Variants in FMN1 observed in about 807,000 individuals in gnomAD.
FMN1 encodes formin 1, also known as formin-1.
A neutral mutation model predicts 132.4 loss-of-function variants in FMN1; 110 were observed. The observed-to-expected ratio is 0.83, with a 90% CI of 0.71 to 0.97. FMN1 has a LOEUF of 0.97. Among genes scored for constraint, FMN1 ranks in the 50% least tolerant of loss-of-function variants. The pLI is 0.00. For synonymous variants in FMN1, 722 were observed against 651.7 expected (o/e 1.11, Z -1.64); for missense variants, 1,792 against 1,705.3 (o/e 1.05, Z -0.90).
intron 17 of FMN1, among the ~76,000 whole-genome samples, chr15:32,834,182 CT>C (rs1452223829): frequency 1.3e-5 from 2 of 152,192 alleles, no homozygotes; most frequent in Non-Finnish European, 1.5e-5. Context: ...AAACTTCTGT[CT>C]GGTTCTTTGG....
At chr15:33,156,716 C>G (rs1566958443) in intron 3 of FMN1, among the ~76,000 whole-genome samples, 1 of 152,108 alleles carries the variant, frequency 6.6e-6, no homozygotes, top group African/African-American at 2.4e-5. Context: ...AGGAGGTAGT[C>G]TCTTATTGTG....
chr15:32,973,101 G>C (rs57613545), intron 7 of FMN1, among the ~76,000 whole-genome samples: 1 of 152,052 alleles, frequency 6.6e-6, no homozygotes, highest in South Asian at 2.1e-4. Context: ...CAACCACTTT[G>C]GTTCCAAGAA....
At chr15:32,779,296 AGG>A (rs2056587807) in intron 19 of FMN1, among the ~76,000 whole-genome samples, 1 of 152,218 alleles carries the variant, frequency 6.6e-6, no homozygotes, top group African/African-American at 2.4e-5. Context: ...ACACTTTAAA[AGG>A]GTGAATTTTA....
chr15:32,867,743 G>A (rs562063212), intron 16 of FMN1, among the ~76,000 whole-genome samples: 63 of 152,168 alleles, frequency 4.1e-4, no homozygotes, highest in African/African-American at 1.4e-3. Flanking sequence ...TGCCCGCCTC[G>A]GCCTCCCAAA....
intron 6 of FMN1, among the ~76,000 whole-genome samples, chr15:33,049,747 A>G (rs2036879191): frequency 6.6e-6 from 1 of 152,220 alleles, no homozygotes; most frequent in Non-Finnish European, 1.5e-5. Context: ...CCAACTGTCC[A>G]AATCGTGTTC....
chr15:33,057,782 A>C (rs1432709344), intron 6 of FMN1, among the ~76,000 whole-genome samples: 2 of 152,102 alleles, frequency 1.3e-5, no homozygotes, highest in African/African-American at 4.8e-5. Context: ...TTCCGAGTTT[A>C]CCTATTGCAA....
At chr15:33,084,235 T>G (rs922098145) in intron 5 of FMN1, among the ~76,000 whole-genome samples, 1 of 152,336 alleles carries the variant, frequency 6.6e-6, no homozygotes, top group East Asian at 1.9e-4. Flanking sequence ...AAATTCTCTC[T>G]TGTGTAAGGT....
At chr15:33,139,746 A>G (rs1257426298) in intron 4 of FMN1, among the ~76,000 whole-genome samples, 1 of 152,216 alleles carries the variant, frequency 6.6e-6, no homozygotes, top group Non-Finnish European at 1.5e-5. Flanking sequence ...AAGATCCGGC[A>G]TATTCCACCA....
At chr15:33,036,898 TAA>T (rs1308112877) in intron 6 of FMN1, among the ~76,000 whole-genome samples, 1 of 152,208 alleles carries the variant, frequency 6.6e-6, no homozygotes. Context: ...CTCTTAGAAA[TAA>T]ATTCATTTGG....
chr15:32,980,204 G>A (rs1451396091), intron 7 of FMN1, among the ~76,000 whole-genome samples: 2 of 151,516 alleles, frequency 1.3e-5, no homozygotes, highest in Non-Finnish European at 2.9e-5. Context: ...CAAGACATAA[G>A]ATGCCAGAAA....
chr15:33,124,287 G>A (rs1197276397), intron 4 of FMN1, among the ~76,000 whole-genome samples: 1 of 152,218 alleles, frequency 6.6e-6, no homozygotes, highest in Non-Finnish European at 1.5e-5. Context: ...CTGTAGAAAA[G>A]TTCTGAGACA....
At position 33,067,027 on chromosome 15, in the gene FMN1, C is replaced by T; in HGVS notation, c.2044-1953G>A. On this transcript the variant is annotated intron_variant, in intron 5 of 20. Coordinates refer to ENST00000616417, the MANE Select transcript of FMN1 (RefSeq NM_001277313.2). ...TGGTCTCTCCTCCCTCAGCGGTAGC[C>T]CCCTTCTTCAGCACACGAAGCCCAC... 2 of 1,613,992 alleles carry T rather than the reference C, an allele frequency of 1.2e-6. No homozygotes were observed. Among genetic ancestry groups the T allele is most frequent in the Non-Finnish European group, 8.5e-7 (1 of 1,179,890 alleles).
intron 17 of FMN1, among the ~76,000 whole-genome samples, chr15:32,827,994 A>T (rs2058411253): frequency 6.6e-6 from 1 of 151,908 alleles, no homozygotes; most frequent in African/African-American, 2.4e-5. Flanking sequence ...TATAGTGGTT[A>T]AAAGGAATCG....
At chr15:32,944,604 G>C (rs531861045) in intron 9 of FMN1, among the ~76,000 whole-genome samples, 2 of 152,272 alleles carry the variant, frequency 1.3e-5, no homozygotes, top group East Asian at 3.9e-4. Context: ...TCTTCACCAA[G>C]AAATGTGAAA....
chr15:32,804,513 C>T (rs1328109296), intron 17 of FMN1, among the ~76,000 whole-genome samples, 181 bp from the exon 18 acceptor site: 4 of 124,094 alleles, frequency 3.2e-5, no homozygotes, highest in Non-Finnish European at 4.9e-5. Context: ...GCTACCACTG[C>T]TTTTTTTTTT....
intron 16 of FMN1, among the ~76,000 whole-genome samples, chr15:32,870,326 G>A (rs1415977363): frequency 3.9e-5 from 6 of 152,258 alleles, no homozygotes; most frequent in Non-Finnish European, 7.4e-5. Flanking sequence ...TTTCTCCAGA[G>A]GAATGTTCCA....
chr15:32,967,105 G>A (rs1596362165), intron 8 of FMN1, among the ~76,000 whole-genome samples: 1 of 152,208 alleles, frequency 6.6e-6, no homozygotes, highest in Non-Finnish European at 1.5e-5. Context: ...TTGCTCAAAA[G>A]TAAAGCCCTA....
At chr15:32,848,723 C>CA (rs956255759) in intron 17 of FMN1, among the ~76,000 whole-genome samples, 19 of 151,840 alleles carry the variant, frequency 1.3e-4, no homozygotes, top group African/African-American at 4.6e-4. Flanking sequence ...AATTGTTTTT[C>CA]AAAAAAAATT....
chr15:33,018,567 AG>A (rs1303028911), intron 6 of FMN1, among the ~76,000 whole-genome samples: 1 of 152,204 alleles, frequency 6.6e-6, no homozygotes, highest in African/African-American at 2.4e-5. Flanking sequence ...GCGCCCAAGA[AG>A]AAATGTAAGC....
Sources: gnomAD v4.1 joint callset for allele counts (sites outside exome capture counted in the v4.1 genomes callset) on GRCh38, gnomAD v4.1.1 for gene constraint, MANE v1.5 for transcripts, NCBI Gene and HGNC (gene_info 2026-07-23, HGNC 2026-07-21) for gene names.